The following UPF2 variants were observed in gnomAD, a reference collection of about 807,000 sequenced individuals.
UPF2 encodes the protein UPF2 regulator of nonsense mediated mRNA decay.
UPF2 carries 17 observed loss-of-function variants against 141.4 expected under a neutral mutation model. That is an observed-to-expected ratio of 0.12 (90% CI 0.08 to 0.18). The LOEUF (loss-of-function observed/expected upper bound fraction) is 0.18, where lower values mean the gene tolerates loss of function less well. Among genes scored for constraint, UPF2 ranks in the 10% least tolerant of loss-of-function variants. The pLI, the probability that UPF2 is intolerant of heterozygous loss-of-function variation, is 1.00. For synonymous variants in UPF2, 540 were observed against 498.0 expected (o/e 1.08, Z -1.12); for missense variants, 1,152 against 1,515.9 (o/e 0.76, Z 3.99).
intron 8 of UPF2, among the ~76,000 whole-genome samples, chr10:11,989,746 T>C (rs558112408): frequency 1.3e-5 from 2 of 152,342 alleles, no homozygotes; most frequent in African/African-American, 4.8e-5. Flanking sequence ...GACTTGGCAC[T>C]TCTTGTCCAA....
chr10:11,948,323 C>T, intron 16 of UPF2, 46 bp downstream of exon 16: 2 of 1,424,836 alleles, frequency 1.4e-6, no homozygotes, highest in South Asian at 1.3e-5. Context: ...AATCAAAATA[C>T]TCTTATACAA....
chr10:11,970,858 T>C (rs1319716600), intron 9 of UPF2, among the ~76,000 whole-genome samples: 1 of 151,634 alleles, frequency 6.6e-6, no homozygotes, highest in Non-Finnish European at 1.5e-5. Context: ...ATACTAAAAC[T>C]AAGTCTTTAG....
chr10:11,943,901 G>A (rs547460230), intron 16 of UPF2, among the ~76,000 whole-genome samples: 232 of 151,076 alleles, frequency 1.5e-3, no homozygotes, highest in Non-Finnish European at 2.4e-3. Flanking sequence ...AGCACCGAGA[G>A]ATTTTCAAAG....
chr10:12,035,352 G>A lies in UPF2; in HGVS notation c.72C>T (p.Asp24=). Residue 24 remains aspartate (D), a synonymous_variant, in exon 2 of 22, where the codon GAC becomes GAT. Transcript: ENST00000357604. ...KDSLPNNKEK[D]CSERRTVSSK... ...TGCTCACTGTCCGCCTTTCACTGCAGTCTTTTTCCTTGTTGTTTGGTAAAG... is the reference window on the plus strand; with the variant it reads ...TGCTCACTGTCCGCCTTTCACTGCAATCTTTTTCCTTGTTGTTTGGTAAAG... 6.2e-7 allele frequency: 1 copy of A among 1,604,926 alleles called. No homozygotes were observed. The highest frequency in any genetic ancestry group is 1.1e-5 in the South Asian group (1 of 88,696).
rs1042466331 is a variant in UPF2, at chr10:11,924,084, C to G, written c.3810-2777G>C. ...TTTCAATACTAGTGTATTAGAAAAA[C>G]AACCTTGTTCTGCAATACAGAAAAC... On this transcript the variant is annotated intron_variant, in intron 21 of 21. Coordinates refer to ENST00000357604, the MANE Select transcript of UPF2 (RefSeq NM_015542.4). Among the ~76,000 whole-genome samples the G allele has an allele frequency of 2.0e-5, 3 of 152,258 alleles. No homozygotes were observed. The East Asian group carries it at 5.8e-4, about 29-fold the overall frequency.
chr10:11,943,663 G>A (rs1335030410), intron 16 of UPF2, among the ~76,000 whole-genome samples: 1 of 152,166 alleles, frequency 6.6e-6, no homozygotes, highest in Non-Finnish European at 1.5e-5. Flanking sequence ...CCAAGTCTGA[G>A]GATGGAAGGA....
At chr10:12,026,993 TTC>T (rs369080341) in intron 3 of UPF2, among the ~76,000 whole-genome samples, 1 of 152,302 alleles carries the variant, frequency 6.6e-6, no homozygotes, top group African/African-American at 2.4e-5. Context: ...CACTCTCACT[TTC>T]TGTGTTTCAT....
At position 11,967,912 on chromosome 10, in the gene UPF2, T is replaced by C. The variant is rs180859818; in HGVS notation, c.1954-458A>G. Among the ~76,000 whole-genome samples, 237 of 151,850 alleles carry C rather than the reference T, an allele frequency of 1.6e-3. 1 individual carries two copies. The highest frequency in any genetic ancestry group is 5.3e-3 in the African/African-American group (219 of 41,456). ...ATTTCTTGCTATAGGCCGGGTGCGGTGGCTCACACCTGTAATCCCAGCACT... is the reference window on the plus strand; with the variant it reads ...ATTTCTTGCTATAGGCCGGGTGCGGCGGCTCACACCTGTAATCCCAGCACT... On this transcript the variant is annotated intron_variant, in intron 9 of 21. Transcript: ENST00000357604.
At position 11,931,490 on chromosome 10, in the gene UPF2, T is replaced by G; in HGVS notation, c.3688+151A>C. The G allele has an allele frequency of 6.9e-6, 6 of 871,268 alleles. No homozygotes were observed. The highest frequency in any genetic ancestry group is 9.8e-6 in the Non-Finnish European group (6 of 613,252). 54.0% of individuals were successfully genotyped at this position (871,268 alleles called of 1,614,324 possible). On this transcript the variant is annotated intron_variant, in intron 20 of 21. Transcript: ENST00000357604. This position sits in a 1 kb window ranked among gnomAD's most constrained non-coding sequence, Gnocchi z 5.9. Reference sequence around the variant, plus strand: ...GGTGAAAATTATATTATTGTTATTTTACAAATAAGTGAAAGAAAAACAGTG... The same window carrying G: ...GGTGAAAATTATATTATTGTTATTTGACAAATAAGTGAAAGAAAAACAGTG...
intron 12 of UPF2, among the ~76,000 whole-genome samples, chr10:11,958,058 A>G (rs552231280): frequency 6.6e-6 from 1 of 152,262 alleles, no homozygotes; most frequent in Middle Eastern, 3.4e-3. Context: ...CACATTATAA[A>G]AATGTTAGTG....
chr10:11,942,973 CA>C, intron 17 of UPF2, 90 bp downstream of exon 17: 1 of 968,844 alleles, frequency 1.0e-6, no homozygotes, highest in African/African-American at 1.6e-5. Flanking sequence ...TTTTCATAAT[CA>C]AAAGAAACAA....
chr10:11,968,495 C>G (rs541192672), intron 9 of UPF2, among the ~76,000 whole-genome samples: 12 of 152,280 alleles, frequency 7.9e-5, no homozygotes, highest in Admixed American at 2.0e-4. Context: ...CAAGTGCTCA[C>G]CTAAGCAAAA....
chr10:11,973,470 C>T, intron 9 of UPF2, among the ~76,000 whole-genome samples: 1 of 152,180 alleles, frequency 6.6e-6, no homozygotes, highest in Non-Finnish European at 1.5e-5. Flanking sequence ...ATGCCTATGT[C>T]TTGAAAGGTA....
At chr10:11,982,845 C>T (rs992455892) in intron 8 of UPF2, among the ~76,000 whole-genome samples, 25 of 152,148 alleles carry the variant, frequency 1.6e-4, no homozygotes, top group African/African-American at 5.8e-4. Flanking sequence ...GTCTTGAACT[C>T]CCGACCTTAG....
intron 8 of UPF2, among the ~76,000 whole-genome samples, chr10:11,985,633 A>AC (rs1220478009): frequency 3.3e-4 from 50 of 150,394 alleles, no homozygotes; most frequent in East Asian, 2.0e-3. Flanking sequence ...AAAAAAAAAA[A>AC]AAACAAACAA....
chr10:12,038,371 C>T lies in UPF2; in HGVS notation c.-18-2930G>A, dbSNP rs1834670560. ...CTCCAGCATGGGCGACAGAGTGAGA[C>T]TCCATCTCACACACACACACACACA... On this transcript the variant is annotated intron_variant, in intron 1 of 21. Transcript: ENST00000357604. Among the ~76,000 whole-genome samples the T allele has an allele frequency of 2.3e-5, 3 of 131,794 alleles. No individual in the cohort carries two copies. In the South Asian group the frequency reaches 7.5e-4, roughly 33 times the overall value. 86.5% of individuals were successfully genotyped at this position (131,794 alleles called of 152,430 possible).
chr10:11,930,946 C>A (rs1195573767), intron 20 of UPF2, among the ~76,000 whole-genome samples: 1 of 152,148 alleles, frequency 6.6e-6, no homozygotes, highest in Non-Finnish European at 1.5e-5. Flanking sequence ...AATCTGCATA[C>A]CACAGGAACA....
chr10:11,960,893 AG>A (rs1455417313), intron 11 of UPF2, among the ~76,000 whole-genome samples: 4 of 152,164 alleles, frequency 2.6e-5, no homozygotes, highest in African/African-American at 4.8e-5. Context: ...GGAGTTCGAG[AG>A]CAGTCCTAGC....
chr10:11,968,327 G>C (rs1206790129), intron 9 of UPF2, among the ~76,000 whole-genome samples: 2 of 152,194 alleles, frequency 1.3e-5, no homozygotes, highest in Non-Finnish European at 2.9e-5. Flanking sequence ...CCCGGCCTAA[G>C]GAGGTTCTTA....
Sources: allele counts gnomAD v4.1 joint callset (sites outside exome capture counted in the v4.1 genomes callset), GRCh38; gene constraint gnomAD v4.1.1; non-coding constraint Gnocchi (gnomAD v3.1); transcripts MANE v1.5; gene names NCBI Gene and HGNC (gene_info 2026-07-23, HGNC 2026-07-21).